The following VPS13D variants were observed in gnomAD, a reference collection of about 807,000 sequenced individuals.
VPS13D encodes the protein vacuolar protein sorting 13 homolog D.
In VPS13D, 187 loss-of-function variants were observed where a neutral mutation model predicts 461.9. That is an observed-to-expected ratio of 0.40 (90% CI 0.36 to 0.46). VPS13D has a LOEUF of 0.46. Among genes scored for constraint, VPS13D ranks in the 20% least tolerant of loss-of-function variants. VPS13D has a pLI of 0.60. For synonymous variants in VPS13D, 1,951 were observed against 1,986.3 expected, an observed-to-expected ratio of 0.98 and a Z score of 0.47; for missense variants, 4,711 against 5,364.9, an observed-to-expected ratio of 0.88 and a Z score of 3.81.
rs962295330 is a variant in VPS13D at position 12,511,138 on chromosome 1, G to C, written c.*2114G>C. 3 of 152,260 alleles carry C rather than the reference G, an allele frequency of 2.0e-5. No homozygotes were observed. Among genetic ancestry groups the C allele is most frequent in the African/African-American group, 7.2e-5 (3 of 41,452 alleles). The allele number at this position is 152,260 out of a possible 1,614,324, so 9.4% of individuals were successfully genotyped here. On this transcript the variant is annotated 3_prime_UTR_variant, in exon 70 of 70. Transcript: ENST00000620676. The surrounding 1 kb of genome is among the most constrained non-coding windows in gnomAD (Gnocchi z 4.5). ...GGGCTGGTGCTTCAGGAGGAATCCA[G>C]AGAAGTGTTCAGATGCCCCCCTTGG...
intron 67 of VPS13D, among the ~76,000 whole-genome samples, chr1:12,489,975 C>G (rs1385550495): frequency 6.6e-6 from 1 of 152,234 alleles, no homozygotes; most frequent in Non-Finnish European, 1.5e-5. Context: ...ATGCTGCCTA[C>G]TCTAGTGCTC....
chr1:12,256,794 G>A (rs75754059), intron 8 of VPS13D, among the ~76,000 whole-genome samples, 193 bp from the exon 9 acceptor site: 3,269 of 151,794 alleles, frequency 0.022, 63 homozygotes, highest in African/African-American at 0.037. Context: ...AAGAGATACG[G>A]CAATGTATAG....
At chr1:12,455,377 CA>C (rs1331063612) in intron 65 of VPS13D, among the ~76,000 whole-genome samples, 1 of 152,146 alleles carries the variant, frequency 6.6e-6, no homozygotes, top group African/African-American at 2.4e-5. Flanking sequence ...ATGTTCTTAC[CA>C]TGATACAGTC....
intron 67 of VPS13D, among the ~76,000 whole-genome samples, chr1:12,468,549 C>T (rs1570237105): frequency 6.6e-6 from 1 of 152,128 alleles, no homozygotes; most frequent in African/African-American, 2.4e-5. Context: ...GATTATGGCT[C>T]GGAAGCACTG....
intron 2 of VPS13D, among the ~76,000 whole-genome samples, 184 bp from the exon 3 acceptor site, chr1:12,242,329 G>C (rs1311748543): frequency 6.6e-6 from 1 of 152,080 alleles, no homozygotes; most frequent in Non-Finnish European, 1.5e-5. Flanking sequence ...GCCTGTTCTA[G>C]GTGTAAAACT....
intron 65 of VPS13D, among the ~76,000 whole-genome samples, chr1:12,421,644 A>G (rs542740737): frequency 6.6e-6 from 1 of 152,358 alleles, no homozygotes; most frequent in South Asian, 2.1e-4. Flanking sequence ...TCAGATATTA[A>G]CAATAGAGCA....
intron 64 of VPS13D, among the ~76,000 whole-genome samples, chr1:12,415,650 T>C (rs1181944162): frequency 6.6e-6 from 1 of 152,060 alleles, no homozygotes; most frequent in Admixed American, 6.6e-5. Flanking sequence ...GTATTTATTA[T>C]CCAGACTGCA....
At chr1:12,241,381 G>A (rs1414420242) in intron 2 of VPS13D, among the ~76,000 whole-genome samples, 1 of 152,230 alleles carries the variant, frequency 6.6e-6, no homozygotes, top group African/African-American at 2.4e-5. Flanking sequence ...GTTGTTGTCT[G>A]TACTCCGTGT....
intron 65 of VPS13D, among the ~76,000 whole-genome samples, chr1:12,426,293 C>T (rs1310513771): frequency 2.0e-5 from 3 of 152,316 alleles, no homozygotes; most frequent in South Asian, 2.1e-4. Flanking sequence ...CTTTGGACCA[C>T]TTTGGTATGA....
intron 18 of VPS13D, 39 bp downstream of exon 18, chr1:12,273,174 T>G: frequency 6.2e-7 from 1 of 1,605,638 alleles, no homozygotes; most frequent in Non-Finnish European, 8.5e-7. Context: ...CCTGCCTTGG[T>G]AGATGGATGA....
rs115198732 is a variant in VPS13D at position 12,354,745 on chromosome 1, C to T, written c.9679+524C>T. 5.9e-3 allele frequency among the ~76,000 whole-genome samples: 893 copies of T among 152,298 alleles called. 2 individuals carry two copies. The highest frequency in any genetic ancestry group is 9.8e-3 in the Non-Finnish European group (664 of 68,028). On this transcript the variant is annotated intron_variant, in intron 47 of 69. Transcript: ENST00000620676. ...AAAGTATAAACGTTTGCTAAGCACTCACTCTATTCCAGGCATACCTGGGCT... is the reference window on the plus strand; with the variant it reads ...AAAGTATAAACGTTTGCTAAGCACTTACTCTATTCCAGGCATACCTGGGCT...
intron 67 of VPS13D, among the ~76,000 whole-genome samples, chr1:12,482,328 T>C (rs962510218): frequency 2.0e-5 from 3 of 152,214 alleles, no homozygotes; most frequent in Admixed American, 2.0e-4. Flanking sequence ...TTCTGACGCC[T>C]TCTTTCTTAG....
chr1:12,274,815 G>A (rs1300638802), intron 18 of VPS13D, among the ~76,000 whole-genome samples: 1 of 152,172 alleles, frequency 6.6e-6, no homozygotes, highest in African/African-American at 2.4e-5. Context: ...GGCCGTGGTG[G>A]CTCATGCCTG....
intron 50 of VPS13D, among the ~76,000 whole-genome samples, chr1:12,361,352 C>T (rs151080275): frequency 6.6e-5 from 10 of 150,586 alleles, no homozygotes; most frequent in African/African-American, 2.4e-4. Context: ...ATTCATCCCA[C>T]TGAATTTTTT....
rs1643079788 is a variant in VPS13D, at chr1:12,322,969, A to G, written c.7915+223A>G. Among the ~76,000 whole-genome samples the G allele has an allele frequency of 1.4e-5, 2 of 144,314 alleles. 1 individual carries two copies. Among genetic ancestry groups the G allele is most frequent in the South Asian group, 4.2e-4 (2 of 4,780 alleles). 94.7% of individuals were successfully genotyped at this position (144,314 alleles called of 152,430 possible). ...TATTTTTCCTCTTTCAGTTTTTTCCAGAGTTACCTGGATAATGCCAAAGTT... is the reference window on the plus strand; with the variant it reads ...TATTTTTCCTCTTTCAGTTTTTTCCGGAGTTACCTGGATAATGCCAAAGTT... On this transcript the variant is annotated intron_variant, in intron 34 of 69. Transcript: ENST00000620676.
intron 52 of VPS13D, among the ~76,000 whole-genome samples, chr1:12,364,994 C>T (rs567006965): frequency 6.6e-6 from 1 of 152,220 alleles, no homozygotes; most frequent in East Asian, 1.9e-4. Context: ...ATTTGGTTTT[C>T]TCAGCACTGT....
At chr1:12,238,909 G>A (rs1320013608) in intron 2 of VPS13D, among the ~76,000 whole-genome samples, 3 of 151,736 alleles carry the variant, frequency 2.0e-5, no homozygotes, top group Admixed American at 2.0e-4. Flanking sequence ...CTGGGATTAT[G>A]GGCATGAGCC....
At chr1:12,476,663 C>G (rs1392555712) in intron 67 of VPS13D, among the ~76,000 whole-genome samples, 1 of 152,162 alleles carries the variant, frequency 6.6e-6, no homozygotes, top group African/African-American at 2.4e-5. Flanking sequence ...CTCTTTGTTG[C>G]CTTTTATTTC....
chr1:12,447,038 T>G (rs1423964876), intron 65 of VPS13D, among the ~76,000 whole-genome samples: 1 of 152,214 alleles, frequency 6.6e-6, no homozygotes. Context: ...GCCAGGTGTC[T>G]GAGTTACGGA....
Sources: gnomAD v4.1 joint callset for allele counts (sites outside exome capture counted in the v4.1 genomes callset) on GRCh38, gnomAD v4.1.1 for gene constraint, Gnocchi (gnomAD v3.1) non-coding constraint, MANE v1.5 for transcripts, NCBI Gene and HGNC (gene_info 2026-07-23, HGNC 2026-07-21) for gene names.